The following AMD1 variants were observed in gnomAD, a reference collection of about 807,000 sequenced individuals.
AMD1 encodes the protein S-adenosylmethionine decarboxylase proenzyme.
AMD1 carries 11 observed loss-of-function variants against 40.2 expected under a neutral mutation model. That is an observed-to-expected ratio of 0.27 (90% CI 0.17 to 0.45). The LOEUF is 0.45. AMD1 is among the 20% of genes least tolerant of loss of function. The probability of loss-of-function intolerance (pLI) is 1.00; values close to 1 mark genes in which losing one functional copy is unlikely to be tolerated. For synonymous variants in AMD1, 121 were observed against 130.8 expected, an observed-to-expected ratio of 0.93 and a Z score of 0.51; for missense variants, 257 against 410.2, an observed-to-expected ratio of 0.63 and a Z score of 3.23.
chr6:110,876,067 T>C (rs927939476), intron 1 of AMD1, among the ~76,000 whole-genome samples: 2 of 152,224 alleles, frequency 1.3e-5, no homozygotes, highest in Non-Finnish European at 2.9e-5. Flanking sequence ...ATAATGCCTC[T>C]AATGCCTTAA....
chr6:110,844,810 G>GAAAA, the AMD1 span, among the ~76,000 whole-genome samples: 4 of 151,530 alleles, frequency 2.6e-5, no homozygotes, highest in Non-Finnish European at 4.4e-5. Flanking sequence ...AAGAAAGAAA[G>GAAAA]AAAAAAGAAA....
the AMD1 span, among the ~76,000 whole-genome samples, chr6:110,833,487 C>A: frequency 6.6e-6 from 1 of 152,176 alleles, no homozygotes; most frequent in Admixed American, 6.5e-5. Flanking sequence ...ATCAGTAAGT[C>A]TGGAGAAAGA....
upstream of AMD1, among the ~76,000 whole-genome samples, chr6:110,870,117 G>A (rs532691877): frequency 1.3e-5 from 2 of 152,154 alleles, no homozygotes; most frequent in East Asian, 3.9e-4. Flanking sequence ...GCTGGTAAAC[G>A]TTTAACAACC....
upstream of AMD1, among the ~76,000 whole-genome samples, chr6:110,873,628 T>C (rs974187773): frequency 6.6e-6 from 1 of 152,246 alleles, no homozygotes; most frequent in African/African-American, 2.4e-5. Context: ...TTATGTCAGC[T>C]TGGGTTTTTT....
At chr6:110,888,691 A>T (rs1785841556) in intron 2 of AMD1, 166 bp from the exon 3 acceptor site, 1 of 531,514 alleles carries the variant, frequency 1.9e-6, no homozygotes, top group East Asian at 3.3e-5. Flanking sequence ...AGCCCTGGGG[A>T]TGTTTTGTAT....
intron 1 of AMD1, among the ~76,000 whole-genome samples, chr6:110,876,335 C>A (rs940887918): frequency 3.8e-4 from 58 of 152,316 alleles, no homozygotes; most frequent in African/African-American, 1.3e-3. Flanking sequence ...GGCGGTGCAG[C>A]GGAGTAACTG....
At chr6:110,819,098 C>T in the AMD1 span, among the ~76,000 whole-genome samples, 1 of 152,134 alleles carries the variant, frequency 6.6e-6, no homozygotes, top group African/African-American at 2.4e-5. Context: ...TGGCTCATGG[C>T]TGTAATCCCA....
chr6:110,852,672 TCAATA>T, the AMD1 span, among the ~76,000 whole-genome samples: 3 of 152,172 alleles, frequency 2.0e-5, no homozygotes, highest in Admixed American at 6.6e-5. Flanking sequence ...AAAACAATAA[TCAATA>T]CAAAGAATTG....
intron 4 of AMD1, chr6:110,891,829 G>A (rs189504130): frequency 3.7e-4 from 104 of 283,490 alleles, no homozygotes; most frequent in Non-Finnish European, 5.2e-4. Context: ...TGCAACCTCC[G>A]CCTCCCGGGT....
In AMD1 at chr6:110,892,158, C is replaced by T; in HGVS notation, c.428-3C>T. 6.2e-7 allele frequency: 1 copy of T among 1,613,568 alleles called. No individual in the cohort carries two copies. Among genetic ancestry groups the T allele is most frequent in the Non-Finnish European group, 8.5e-7 (1 of 1,180,002 alleles). ...TTTATTTTGCGTTCTCTTCCCTCAA[C>T]AGATGGAGCAGCATATTGTATGGGA... On this transcript the variant is annotated splice_polypyrimidine_tract_variant and splice_region_variant and intron_variant, in intron 4 of 8. Transcript: ENST00000368885.
chr6:110,831,171 G>A, the AMD1 span, among the ~76,000 whole-genome samples: 4 of 151,986 alleles, frequency 2.6e-5, no homozygotes, highest in African/African-American at 9.7e-5. Flanking sequence ...CAGGTGCAGT[G>A]GTTCACGCCT....
At chr6:110,835,286 G>A in the AMD1 span, among the ~76,000 whole-genome samples, 10 of 151,916 alleles carry the variant, frequency 6.6e-5, no homozygotes, top group Middle Eastern at 3.4e-3. Flanking sequence ...CCAAAGTGCT[G>A]GGATTACAGG....
the AMD1 span, among the ~76,000 whole-genome samples, chr6:110,847,903 A>G: frequency 2.0e-5 from 3 of 151,098 alleles, no homozygotes; most frequent in African/African-American, 7.3e-5. Flanking sequence ...TTTAGTAGAG[A>G]CAGGGTTTCA....
chr6:110,884,416 C>T (rs1785575637), intron 1 of AMD1, among the ~76,000 whole-genome samples: 1 of 152,192 alleles, frequency 6.6e-6, no homozygotes, highest in African/African-American at 2.4e-5. Flanking sequence ...TTTAAAGTAT[C>T]TGTGCTACAA....
the AMD1 span, among the ~76,000 whole-genome samples, chr6:110,820,144 C>T: frequency 6.6e-6 from 1 of 152,174 alleles, no homozygotes; most frequent in Non-Finnish European, 1.5e-5. Context: ...TATCTCTGCT[C>T]TGCCTATGGA....
intron 4 of AMD1, chr6:110,891,853 C>T (rs529848870): frequency 5.9e-6 from 2 of 341,414 alleles, no homozygotes; most frequent in African/African-American, 2.1e-5. Flanking sequence ...AGCAGTTCTC[C>T]TGCCTCAGCC....
At chr6:110,821,270 C>T in the AMD1 span, among the ~76,000 whole-genome samples, 3 of 152,122 alleles carry the variant, frequency 2.0e-5, no homozygotes, top group African/African-American at 7.2e-5. Flanking sequence ...TTTTCTGAGA[C>T]CCAACATGTT....
intron 3 of AMD1, 54 bp from the exon 4 acceptor site, chr6:110,890,200 G>A: frequency 7.5e-7 from 1 of 1,325,328 alleles, no homozygotes; most frequent in Non-Finnish European, 1.0e-6. Flanking sequence ...AAAAGTGATA[G>A]AATTCTACAT....
At chr6:110,892,679 T>G (rs1241210782) in intron 6 of AMD1, 56 bp from the exon 7 acceptor site, 3 of 1,586,474 alleles carry the variant, frequency 1.9e-6, no homozygotes, top group South Asian at 2.2e-5. Flanking sequence ...AATTTTGGAC[T>G]CAATTGAAGT....
Sources: gnomAD v4.1 joint callset for allele counts (sites outside exome capture counted in the v4.1 genomes callset) on GRCh38, gnomAD v4.1.1 for gene constraint, MANE v1.5 for transcripts, NCBI Gene and HGNC (gene_info 2026-07-23, HGNC 2026-07-21) for gene names.